The following ROBO1 variants were observed in gnomAD, a reference collection of about 807,000 sequenced individuals.
ROBO1 encodes the protein roundabout guidance receptor 1.
A neutral mutation model predicts 195.9 loss-of-function variants in ROBO1; 149 were observed. The ratio of observed to expected loss-of-function variants is 0.76; its 90% CI spans 0.67 to 0.87. The LOEUF (loss-of-function observed/expected upper bound fraction) is 0.87, where lower values mean the gene tolerates loss of function less well. ROBO1 is among the 40% of genes least tolerant of loss of function. ROBO1 has a pLI of 0.00. For synonymous variants in ROBO1, 816 were observed against 733.2 expected, an observed-to-expected ratio of 1.11 and a Z score of -1.82; for missense variants, 1,933 against 2,068.3, an observed-to-expected ratio of 0.93 and a Z score of 1.27.
chr3:79,126,574 G>T (rs2080219257), intron 2 of ROBO1, among the ~76,000 whole-genome samples: 1 of 152,192 alleles, frequency 6.6e-6, no homozygotes, highest in Non-Finnish European at 1.5e-5. Flanking sequence ...AAAAACAAGA[G>T]TGTACCTCCT....
At chr3:79,659,412 A>G (rs940383583) in intron 1 of ROBO1, among the ~76,000 whole-genome samples, 5 of 152,112 alleles carry the variant, frequency 3.3e-5, no homozygotes, top group Non-Finnish European at 5.9e-5. Flanking sequence ...AATATAAAAA[A>G]GTTTAGAGTC....
At chr3:79,536,320 A>G (rs1219617116) in intron 2 of ROBO1, among the ~76,000 whole-genome samples, 2 of 152,300 alleles carry the variant, frequency 1.3e-5, no homozygotes, top group Non-Finnish European at 2.9e-5. Context: ...ATAGTGATCT[A>G]GCTGATTCCA....
intron 2 of ROBO1, among the ~76,000 whole-genome samples, chr3:79,502,494 C>G (rs557627087): frequency 7.8e-4 from 118 of 152,230 alleles, no homozygotes; most frequent in African/African-American, 2.8e-3. Flanking sequence ...AGTCTCCCCC[C>G]GCCCCTTCCC....
At chr3:79,389,921 T>A (rs979951866) in intron 2 of ROBO1, among the ~76,000 whole-genome samples, 4 of 152,112 alleles carry the variant, frequency 2.6e-5, no homozygotes, top group African/African-American at 9.7e-5. Flanking sequence ...TTCATTTATG[T>A]TTTTTAAGAA....
At chr3:79,658,303 C>T (rs7628280) in intron 1 of ROBO1, among the ~76,000 whole-genome samples, 4 of 151,752 alleles carry the variant, frequency 2.6e-5, no homozygotes, top group African/African-American at 7.3e-5. Flanking sequence ...TGTTACAGAA[C>T]GAATGGTTAA....
intron 1 of ROBO1, among the ~76,000 whole-genome samples, chr3:79,646,944 T>G (rs183440287): frequency 6.6e-6 from 1 of 152,064 alleles, no homozygotes; most frequent in African/African-American, 2.4e-5. Context: ...GGTTAATTAA[T>G]ACATACAAAT....
intron 4 of ROBO1, among the ~76,000 whole-genome samples, chr3:78,786,349 A>G (rs2083833644): frequency 6.6e-6 from 1 of 152,200 alleles, no homozygotes; most frequent in South Asian, 2.1e-4. Context: ...AGTTTCAGTA[A>G]ATTTCAAGAA....
chr3:79,735,974 A>G (rs1703366977), intron 1 of ROBO1, among the ~76,000 whole-genome samples: 1 of 152,182 alleles, frequency 6.6e-6, no homozygotes, highest in African/African-American at 2.4e-5. Context: ...GCACATAACT[A>G]TAAACAATAA....
At chr3:79,387,953 A>C (rs2106679821) in intron 2 of ROBO1, among the ~76,000 whole-genome samples, 1 of 152,230 alleles carries the variant, frequency 6.6e-6, no homozygotes, top group South Asian at 2.1e-4. Flanking sequence ...AAATTTGTAT[A>C]CCCAGCAATT....
chr3:79,181,005 C>T (rs972726470), intron 2 of ROBO1, among the ~76,000 whole-genome samples: 2 of 152,102 alleles, frequency 1.3e-5, no homozygotes, highest in African/African-American at 4.8e-5. Flanking sequence ...ATTGAGACCG[C>T]CACTTTAATT....
chr3:79,469,843 G>C (rs1481547347), intron 2 of ROBO1, among the ~76,000 whole-genome samples: 2 of 151,484 alleles, frequency 1.3e-5, no homozygotes, highest in African/African-American at 4.9e-5. Flanking sequence ...CTTTTATACA[G>C]GTTAAAAAAA....
chr3:79,738,504 TA>T (rs1475942894), intron 1 of ROBO1, among the ~76,000 whole-genome samples: 1 of 152,054 alleles, frequency 6.6e-6, no homozygotes, highest in African/African-American at 2.4e-5. Context: ...TAGAAAATAA[TA>T]AAAAGTCTGT....
intron 1 of ROBO1, among the ~76,000 whole-genome samples, chr3:79,665,699 C>T (rs1048827304): frequency 4.6e-4 from 69 of 151,630 alleles, no homozygotes; most frequent in African/African-American, 1.3e-3. Flanking sequence ...GAAAAAATGA[C>T]GCTTGCAAAA....
intron 2 of ROBO1, among the ~76,000 whole-genome samples, chr3:79,464,798 T>C (rs1399156972): frequency 5.9e-5 from 9 of 152,156 alleles, no homozygotes; most frequent in Non-Finnish European, 1.3e-4. Context: ...GAAGAAAGGA[T>C]TATGATCAAT....
At chr3:79,675,175 G>A (rs770370699) in intron 1 of ROBO1, among the ~76,000 whole-genome samples, 16 of 151,726 alleles carry the variant, frequency 1.1e-4, no homozygotes, top group Non-Finnish European at 2.1e-4. Context: ...TATTACAGTC[G>A]GTGTGTATGA....
chr3:78,992,890 TTCTATTTA>T (rs1222397729), intron 3 of ROBO1, among the ~76,000 whole-genome samples: 1 of 152,154 alleles, frequency 6.6e-6, no homozygotes, highest in Non-Finnish European at 1.5e-5. Context: ...GATCAGATTC[TTCTATTTA>T]CCAGAAGCTG....
At chr3:79,326,257 T>C (rs775106597) in intron 2 of ROBO1, among the ~76,000 whole-genome samples, 1 of 152,160 alleles carries the variant, frequency 6.6e-6, no homozygotes, top group Non-Finnish European at 1.5e-5. Flanking sequence ...TGATATTCTA[T>C]TACCTTGTGA....
chr3:78,665,482 A>C (rs1466344544), intron 14 of ROBO1, among the ~76,000 whole-genome samples: 2 of 152,032 alleles, frequency 1.3e-5, no homozygotes, highest in African/African-American at 4.8e-5. Context: ...AATAGTTAGC[A>C]CTCTCCCATC....
At chr3:78,705,629 A>T (rs74328618) in intron 8 of ROBO1, among the ~76,000 whole-genome samples, 1,620 of 152,258 alleles carry the variant, frequency 0.011, 33 homozygotes, top group African/African-American at 0.037. Flanking sequence ...GGCAACATGT[A>T]TTTCTGGGAG....
Sources: gnomAD v4.1 joint callset for allele counts (sites outside exome capture counted in the v4.1 genomes callset) on GRCh38, gnomAD v4.1.1 for gene constraint, MANE v1.5 for transcripts, NCBI Gene and HGNC (gene_info 2026-07-23, HGNC 2026-07-21) for gene names.